MLKL: variants seen among roughly 807,000 people sequenced by gnomAD.
The protein encoded by MLKL is mixed lineage kinase domain-like protein.
Under a neutral mutation model 56.5 loss-of-function variants are expected in MLKL, and 55 were observed. That is an observed-to-expected ratio of 0.97 (90% CI 0.78 to 1.22). The LOEUF is 1.22. Ranked by LOEUF, MLKL falls within the 50% of genes most tolerant of loss-of-function variation. The pLI is 0.00. For synonymous variants in MLKL, 251 were observed against 208.3 expected (o/e 1.20, Z -1.76); for missense variants, 694 against 573.9 (o/e 1.21, Z -2.14).
chr16:74,684,291 T>C (rs1041231874), intron 5 of MLKL, among the ~76,000 whole-genome samples: 44 of 152,012 alleles, frequency 2.9e-4, no homozygotes, highest in African/African-American at 1.1e-3. Flanking sequence ...GAAATCAAGT[T>C]GGCCTGAGGC....
At chr16:74,674,603 C>A (rs1027538704) in intron 10 of MLKL, among the ~76,000 whole-genome samples, 1 of 151,972 alleles carries the variant, frequency 6.6e-6, no homozygotes, top group African/African-American at 2.4e-5. Flanking sequence ...AGGCATGTAC[C>A]ACCATGGCTA....
chr16:74,693,573 A>T (rs1960822509), intron 2 of MLKL, among the ~76,000 whole-genome samples: 1 of 151,680 alleles, frequency 6.6e-6, no homozygotes, highest in Admixed American at 6.6e-5. Flanking sequence ...ATGCCACTGA[A>T]CTGGCATCTA....
In MLKL at chr16:74,700,590, T is replaced by G. The variant is rs188589131; in HGVS notation, c.-140A>C. ...AACGCGAGGCCCGCGGGAGTTCCCC[T>G]GCGCCCCCTTTCCTGGTGCCCGCAC... is the stretch of plus-strand genomic sequence containing the variant. On this transcript the variant is annotated 5_prime_UTR_variant, in exon 1 of 11. Coordinates refer to ENST00000308807, the MANE Select transcript of MLKL (RefSeq NM_152649.4). The G allele has an allele frequency of 6.5e-6, 1 of 152,826 alleles. No homozygotes were observed. The highest frequency in any genetic ancestry group is 1.5e-5 in the Non-Finnish European group (1 of 68,420). The allele number at this position is 152,826 out of a possible 1,614,324, so 9.5% of individuals were successfully genotyped here. A position where few individuals can be genotyped will look rare whatever the true frequency, so the allele number is the denominator to read the frequency against.
chr16:74,684,227 T>C (rs1422877301), intron 5 of MLKL, among the ~76,000 whole-genome samples: 4 of 151,722 alleles, frequency 2.6e-5, no homozygotes, highest in African/African-American at 7.3e-5. Context: ...GGATTACAGA[T>C]GTGAGCCACC....
At chr16:74,672,954 G>A (rs1366319808) in intron 10 of MLKL, among the ~76,000 whole-genome samples, 3 of 152,188 alleles carry the variant, frequency 2.0e-5, no homozygotes, top group Non-Finnish European at 2.9e-5. Context: ...CTGCGCTTCT[G>A]CTCTGTGGTG....
At chr16:74,695,831 T>A in intron 1 of MLKL, 72 bp from the exon 2 acceptor site, 1 of 1,349,786 alleles carries the variant, frequency 7.4e-7, no homozygotes, top group Non-Finnish European at 1.0e-6. Flanking sequence ...TAAGAAAGAA[T>A]CAAAGCGGTC....
intron 6 of MLKL, 107 bp from the exon 7 acceptor site, chr16:74,679,087 G>T: frequency 2.4e-6 from 2 of 819,394 alleles, no homozygotes; most frequent in Non-Finnish European, 4.1e-6. Flanking sequence ...ATGGGTGCCT[G>T]TCCACAGTTA....
chr16:74,694,853 G>C lies in MLKL; in HGVS notation c.460+445C>G, dbSNP rs146212064. Among the ~76,000 whole-genome samples the C allele has an allele frequency of 1.2e-4, 17 of 145,424 alleles. No individual in the cohort carries two copies. The East Asian group carries it at 3.2e-3, about 27-fold the overall frequency. On this transcript the variant is annotated intron_variant, in intron 2 of 10. Coordinates refer to ENST00000308807, the MANE Select transcript of MLKL (RefSeq NM_152649.4). Reference sequence around the variant, plus strand: ...ATATATCTGGGCCAAAGGATGTTAGGAGTTTTGTTTGTTTGTTTGTTTGTT... The same window carrying C: ...ATATATCTGGGCCAAAGGATGTTAGCAGTTTTGTTTGTTTGTTTGTTTGTT...
chr16:74,686,379 G>C (rs954351904), intron 4 of MLKL, among the ~76,000 whole-genome samples: 1 of 152,166 alleles, frequency 6.6e-6, no homozygotes, highest in Non-Finnish European at 1.5e-5. Flanking sequence ...TCAGGAGTTC[G>C]AGACAATCCT....
At chr16:74,677,408 G>C (rs1204932501) in intron 7 of MLKL, 1 of 152,318 alleles carries the variant, frequency 6.6e-6, no homozygotes, top group African/African-American at 2.4e-5. Flanking sequence ...AGGGTATACA[G>C]TGGCGTAAAC....
At chr16:74,672,681 C>A in intron 10 of MLKL, 143 bp from the exon 11 acceptor site, 1 of 722,258 alleles carries the variant, frequency 1.4e-6, no homozygotes. Flanking sequence ...CATCAGCACT[C>A]ACACATTTGG....
chr16:74,675,135 C>T, intron 9 of MLKL, 35 bp from the exon 10 acceptor site: 1 of 1,610,554 alleles, frequency 6.2e-7, no homozygotes, highest in African/African-American at 1.3e-5. Flanking sequence ...CAAAAAATTG[C>T]TCCGCTACTC....
rs1298551900 is a variant in MLKL, at chr16:74,695,606, C to T, written c.152G>A (p.Arg51Lys). 1 of 1,614,228 alleles carries T rather than the reference C, an allele frequency of 6.2e-7. No individual in the cohort carries two copies. Among genetic ancestry groups the T allele is most frequent in the Admixed American group, 1.7e-5 (1 of 60,024 alleles). The change falls in exon 2 of 11, where the codon AGG becomes AAG. Residue 51 changes from arginine to lysine, a missense_variant. Transcript: ENST00000308807. ...GGTTAACTTCTCAGAGGGCACGCTC[C>T]TCTTTCCTTGGTCCTGGAGCATCTC... Reference protein sequence around the residue: ...PLEMLQDQGKRSVPSEKLTTA... With the variant: ...PLEMLQDQGKKSVPSEKLTTA...
chr16:74,684,073 G>A (rs760557060), intron 5 of MLKL, among the ~76,000 whole-genome samples: 2 of 151,594 alleles, frequency 1.3e-5, no homozygotes, highest in African/African-American at 2.4e-5. Context: ...TCAGCCTCCC[G>A]AGTAGCTGGG....
chr16:74,693,350 C>G (rs992452735), intron 2 of MLKL, among the ~76,000 whole-genome samples: 3 of 151,288 alleles, frequency 2.0e-5, no homozygotes, highest in African/African-American at 7.3e-5. Flanking sequence ...TGCCTGTAAT[C>G]CCAACTACTG....
At chr16:74,682,877 C>T in intron 5 of MLKL, 91 bp from the exon 6 acceptor site, 1 of 1,477,022 alleles carries the variant, frequency 6.8e-7, no homozygotes, top group Non-Finnish European at 9.2e-7. Context: ...GGTACAGATA[C>T]AGACTTGGCT....
At chr16:74,681,925 C>T (rs1658794307) in intron 6 of MLKL, among the ~76,000 whole-genome samples, 1 of 152,074 alleles carries the variant, frequency 6.6e-6, no homozygotes, top group East Asian at 1.9e-4. Context: ...TTGTATAGGA[C>T]ATAGTTGTAC....
Position 74,695,508 on chromosome 16 carries a change from T to C in MLKL, c.250A>G (p.Asn84Asp), listed in dbSNP as rs2144559790. The C allele has an allele frequency of 6.2e-7, 1 of 1,614,206 alleles. No homozygotes were observed. The highest frequency in any genetic ancestry group is 8.5e-7 in the Non-Finnish European group (1 of 1,180,044). ...GEIEKFSNRS[N>D]ICRFLTASQD... is the part of the protein sequence containing the mutation. ...CTTGCTGTTAGAAACCTGCAGATAT[T>C]GGATCTATTGCTGAACTTTTCTATC... Residue 84 changes from asparagine (N) to aspartate (D), a missense_variant, in exon 2 of 11, where the codon AAT (asparagine) becomes GAT (aspartate). Asn to Asp is a conservative substitution (Grantham distance 23). Coordinates refer to ENST00000308807, the MANE Select transcript of MLKL (RefSeq NM_152649.4).
In MLKL at chr16:74,682,687, A is replaced by T; in HGVS notation, c.920T>A (p.Met307Lys). The T allele has an allele frequency of 1.2e-6, 2 of 1,614,132 alleles. No homozygotes were observed. Among genetic ancestry groups the T allele is most frequent in the Non-Finnish European group, 1.7e-6 (2 of 1,180,018 alleles). ...REKDLTLGKR[M>K]VLVLGAARGL... ...TCGGGCTGCCCCCAGGACTAGGACC[A>T]TGCGCTTGCCAAGTGTGAGGTCTTT... is the stretch of plus-strand genomic sequence containing the variant. The change falls in exon 6 of 11, where the codon ATG becomes AAG. Residue 307 changes from methionine (M) to lysine (K), a missense_variant. By Grantham distance (95) the Met-to-Lys change is moderately conservative (BLOSUM62 -1). Coordinates refer to ENST00000308807, the MANE Select transcript of MLKL (RefSeq NM_152649.4).
Sources: gnomAD v4.1 joint callset for allele counts (sites outside exome capture counted in the v4.1 genomes callset) on GRCh38, gnomAD v4.1.1 for gene constraint, MANE v1.5 for transcripts, NCBI Gene and HGNC (gene_info 2026-07-23, HGNC 2026-07-21) for gene names.